The following DTNA variants were observed in gnomAD, a reference collection of about 807,000 sequenced individuals.
DTNA encodes dystrophin-related protein 3.
Under a neutral mutation model 100.7 loss-of-function variants are expected in DTNA, and 43 were observed. The observed-to-expected ratio is 0.43, with a 90% CI of 0.33 to 0.55. DTNA has a LOEUF of 0.55. Among genes scored for constraint, DTNA ranks in the 20% least tolerant of loss-of-function variants. DTNA has a pLI of 0.04. For synonymous variants in DTNA, 349 were observed against 347.9 expected (o/e 1.00, Z -0.04); for missense variants, 798 against 953.9 (o/e 0.84, Z 2.15).
At chr18:34,650,910 T>A (rs1392182191) in intron 1 of DTNA, among the ~76,000 whole-genome samples, 1 of 152,218 alleles carries the variant, frequency 6.6e-6, no homozygotes, top group Admixed American at 6.5e-5. Flanking sequence ...CATTTGAATG[T>A]TTAAAAATTA....
At chr18:34,824,300 C>T (rs943586319) in intron 9 of DTNA, among the ~76,000 whole-genome samples, 2 of 152,080 alleles carry the variant, frequency 1.3e-5, no homozygotes, top group African/African-American at 4.8e-5. Flanking sequence ...ACGATGAAAC[C>T]CCGTCTGTAC....
chr18:34,776,529 G>C (rs1347977594), intron 3 of DTNA, among the ~76,000 whole-genome samples: 1 of 152,058 alleles, frequency 6.6e-6, no homozygotes, highest in Non-Finnish European at 1.5e-5. Flanking sequence ...TTTTAGTAGA[G>C]ATGGGGTTTC....
intron 1 of DTNA, among the ~76,000 whole-genome samples, chr18:34,712,393 A>G (rs2083076814): frequency 6.6e-6 from 1 of 152,030 alleles, no homozygotes; most frequent in South Asian, 2.1e-4. Context: ...CTATTAAATA[A>G]AATGAAAAAA....
intron 1 of DTNA, among the ~76,000 whole-genome samples, chr18:34,700,673 T>G (rs2081240675): frequency 6.6e-6 from 1 of 152,210 alleles, no homozygotes; most frequent in Non-Finnish European, 1.5e-5. Context: ...GAAATCCTAC[T>G]AGGCTCATAA....
At chr18:34,693,354 T>A (rs73416437) in intron 1 of DTNA, among the ~76,000 whole-genome samples, 3,707 of 152,212 alleles carry the variant, frequency 0.024, 177 homozygotes, top group African/African-American at 0.085. Context: ...ATATTTCAGA[T>A]CATGCAGCCC....
intron 22 of DTNA, among the ~76,000 whole-genome samples, chr18:34,886,210 C>T (rs1467686055): frequency 2.0e-5 from 3 of 152,304 alleles, no homozygotes; most frequent in Non-Finnish European, 4.4e-5. Flanking sequence ...GACATCCTGT[C>T]TCAGTCCTCA....
intron 3 of DTNA, among the ~76,000 whole-genome samples, chr18:34,781,143 G>T (rs1402624059): frequency 6.6e-6 from 1 of 152,178 alleles, no homozygotes; most frequent in African/African-American, 2.4e-5. Flanking sequence ...AAGAGGCAGG[G>T]CCAAGAGGAT....
At chr18:34,801,379 A>G (rs2149169849) in intron 4 of DTNA, among the ~76,000 whole-genome samples, 1 of 152,308 alleles carries the variant, frequency 6.6e-6, no homozygotes, top group Admixed American at 6.5e-5. Flanking sequence ...TTAGAAACAG[A>G]ACATATTCCA....
rs1384520237 is a variant in DTNA, at chr18:34,711,781, G to A, written c.-2+1336G>A. The stretch of plus-strand genomic sequence containing the variant: ...CAAGCCATTTTCTAAGTTTAAGCAA[G>A]GAATTATAATCATTATTCAAAAAAA... On this transcript the variant is annotated intron_variant, in intron 1 of 22. Coordinates refer to ENST00000444659, the MANE Select transcript of DTNA (RefSeq NM_001386795.1). Among the ~76,000 whole-genome samples, 3 of 152,078 alleles carry A rather than the reference G, an allele frequency of 2.0e-5. No individual in the cohort carries two copies. In the East Asian group the frequency reaches 5.8e-4, roughly 29 times the overall value.
chr18:34,738,499 G>A (rs1361755752), intron 1 of DTNA, among the ~76,000 whole-genome samples: 1 of 147,220 alleles, frequency 6.8e-6, no homozygotes, highest in Non-Finnish European at 1.5e-5. Flanking sequence ...TTTAAAACAT[G>A]ATTTACTAAA....
chr18:34,817,749 G>T (rs933445794), intron 7 of DTNA, among the ~76,000 whole-genome samples: 11 of 151,596 alleles, frequency 7.3e-5, no homozygotes, highest in African/African-American at 2.4e-4. Context: ...TCTGATATTC[G>T]CTCTCTTCCC....
intron 1 of DTNA, among the ~76,000 whole-genome samples, chr18:34,663,375 G>A (rs1415064188): frequency 1.3e-5 from 2 of 152,044 alleles, no homozygotes; most frequent in Admixed American, 6.6e-5. Flanking sequence ...GCTATGCCCA[G>A]ACTTGTCTTG....
intron 17 of DTNA, among the ~76,000 whole-genome samples, chr18:34,871,073 C>T (rs566841198): frequency 3.9e-5 from 6 of 152,184 alleles, no homozygotes; most frequent in Admixed American, 1.3e-4. Context: ...CTGCTAGGTG[C>T]GGCCAGGCAT....
At chr18:34,501,280 T>C (rs2039893756) in intron 1 of DTNA, among the ~76,000 whole-genome samples, 1 of 152,236 alleles carries the variant, frequency 6.6e-6, no homozygotes, top group African/African-American at 2.4e-5. Flanking sequence ...TTTTTAACTA[T>C]TGGACCAGCC....
chr18:34,582,091 T>C lies in DTNA; in HGVS notation c.-2+88577T>C, dbSNP rs535400117. On this transcript the variant is annotated intron_variant, in intron 1 of 19. Transcript: ENST00000283365. ...AATGATTTTTAAGGCCAAGTTCAAA[T>C]TGAAATTCTCCTAAATGTGGCTGCT... 1.2e-4 allele frequency among the ~76,000 whole-genome samples: 15 copies of C among 123,238 alleles called. No homozygotes were observed. In the East Asian group the frequency reaches 2.9e-3, roughly 24 times the overall value. The allele number at this position is 123,238 out of a possible 152,430, so 80.8% of individuals were successfully genotyped here. A position where few individuals can be genotyped will look rare whatever the true frequency, so the allele number is the denominator to read the frequency against.
intron 1 of DTNA, among the ~76,000 whole-genome samples, chr18:34,673,086 T>C (rs1568183342): frequency 6.6e-6 from 1 of 152,038 alleles, no homozygotes; most frequent in Non-Finnish European, 1.5e-5. Flanking sequence ...TATTTTTACA[T>C]TTTATTTGTT....
chr18:34,685,322 G>C (rs147548333), intron 1 of DTNA, among the ~76,000 whole-genome samples: 1 of 152,112 alleles, frequency 6.6e-6, no homozygotes, highest in Non-Finnish European at 1.5e-5. Flanking sequence ...TGTATGAGGT[G>C]TAAGGAAAGG....
intron 13 of DTNA, among the ~76,000 whole-genome samples, chr18:34,845,369 G>A (rs2149818415): frequency 6.6e-6 from 1 of 152,192 alleles, no homozygotes; most frequent in Middle Eastern, 3.4e-3. Context: ...ACATTTCCAG[G>A]AGGCTTTTTA....
intron 3 of DTNA, among the ~76,000 whole-genome samples, chr18:34,783,931 A>G (rs1410795976): frequency 6.6e-6 from 1 of 152,244 alleles, no homozygotes; most frequent in Non-Finnish European, 1.5e-5. Context: ...CAGTGCTCCC[A>G]GGAAATTCCT....
Sources: gnomAD v4.1 joint callset for allele counts (sites outside exome capture counted in the v4.1 genomes callset) on GRCh38, gnomAD v4.1.1 for gene constraint, MANE v1.5 for transcripts, NCBI Gene and HGNC (gene_info 2026-07-23, HGNC 2026-07-21) for gene names.